Variants in ZNF75D observed in about 807,000 individuals in gnomAD.
ZNF75D encodes zinc finger protein 75D.
ZNF75D carries 33 observed loss-of-function variants against 33.3 expected under a neutral mutation model. That is an observed-to-expected ratio of 0.99 (90% CI 0.75 to 1.32). The LOEUF is 1.32. ZNF75D is among the 40% of genes most tolerant of loss of function. ZNF75D has a pLI of 0.00. For synonymous variants in ZNF75D, 113 were observed against 130.6 expected (o/e 0.87, Z 0.92); for missense variants, 338 against 367.5 (o/e 0.92, Z 0.66).
chrX:135,293,458 C>T (rs1306235995), intron 3 of ZNF75D, among the ~76,000 whole-genome samples: 1 of 111,585 alleles, frequency 9.0e-6, no homozygotes, highest in East Asian at 2.8e-4. Context: ...CTTGTCCTTG[C>T]CCATGCCAGA....
Position 135,287,489 on chromosome X carries a change from T to A in ZNF75D, c.1181A>T (p.Lys394Ile). 1 of 1,211,043 alleles carries A rather than the reference T, an allele frequency of 8.3e-7. No individual in the cohort carries two copies. ...AAACCTCCTGTCACATTGTTGACAT[T>A]TATAGGGTTTCTCTCCAGTGTGAAT... ...HRIHTGEKPYKCQQCDRRFRW... is the reference protein window; with the variant it reads ...HRIHTGEKPYICQQCDRRFRW... The change falls in exon 7 of 7, where the codon AAA becomes ATA. Residue 394 changes from lysine (K) to isoleucine (I), a missense_variant. This residue lies in a region of ZNF75D where 5 missense variants were observed against 19.7 expected (regional missense o/e 0.25). Coordinates refer to ENST00000370766, the MANE Select transcript of ZNF75D (RefSeq NM_007131.5).
At chrX:135,275,566 T>A (rs2083896677) in intron 1 of ZNF75D, among the ~76,000 whole-genome samples, 1 of 111,365 alleles carries the variant, frequency 9.0e-6, no homozygotes, top group East Asian at 2.8e-4. Flanking sequence ...CCTGTTTATT[T>A]GTTTTTGTTT....
At chrX:135,278,273 G>A (rs975743185) in intron 1 of ZNF75D, among the ~76,000 whole-genome samples, 13 of 111,392 alleles carry the variant, frequency 1.2e-4, no homozygotes, top group African/African-American at 3.3e-4. Context: ...GAGTTCACTC[G>A]TGATTTGGCT....
At chrX:135,336,913 A>T (rs1384727620) in intron 1 of ZNF75D, among the ~76,000 whole-genome samples, 4 of 110,850 alleles carry the variant, frequency 3.6e-5, no homozygotes, top group African/African-American at 1.3e-4. Flanking sequence ...GTTGTTAGGG[A>T]CCTCCACTAA....
In ZNF75D at chrX:135,261,474, G is replaced by A. The variant is rs781936401; in HGVS notation, n.828-5697C>T. On this transcript the variant is annotated intron_variant and non_coding_transcript_variant, in intron 1 of 3. Coordinates refer to the ZNF75D transcript ENST00000494295. ...CTAAGGACTTGCTTTATGAATCTGG[G>A]TGCTCCTGTATTGGGTTCATACATA... 5.4e-5 allele frequency among the ~76,000 whole-genome samples: 6 copies of A among 111,921 alleles called. No individual in the cohort carries two copies. In the South Asian group the frequency reaches 2.3e-3, roughly 42 times the overall value.
intron 1 of ZNF75D, among the ~76,000 whole-genome samples, chrX:135,312,294 C>T (rs1436610919): frequency 9.0e-6 from 1 of 111,494 alleles, no homozygotes; most frequent in Non-Finnish European, 1.9e-5. Flanking sequence ...TAATCACCTC[C>T]AATTCCATCC....
intron 1 of ZNF75D, among the ~76,000 whole-genome samples, chrX:135,318,641 AAATT>A (rs1298496835): frequency 1.8e-5 from 2 of 112,012 alleles, no homozygotes; most frequent in South Asian, 3.7e-4. Context: ...TTATAAACAA[AAATT>A]AATAAACATA....
At chrX:135,313,096 C>T (rs2084380005) in intron 1 of ZNF75D, among the ~76,000 whole-genome samples, 1 of 111,402 alleles carries the variant, frequency 9.0e-6, no homozygotes, top group South Asian at 3.7e-4. Flanking sequence ...GAAGATTTTT[C>T]CCTATGTTTT....
chrX:135,310,010 T>G (rs2084340428), intron 1 of ZNF75D, among the ~76,000 whole-genome samples: 1 of 112,104 alleles, frequency 8.9e-6, no homozygotes, highest in African/African-American at 3.2e-5. Flanking sequence ...GACCAAAGAC[T>G]CTAATCCCTA....
At chrX:135,261,031 T>G (rs1401119678) in intron 1 of ZNF75D, among the ~76,000 whole-genome samples, 1 of 112,509 alleles carries the variant, frequency 8.9e-6, no homozygotes, top group Non-Finnish European at 1.9e-5. Context: ...AACATCTTTA[T>G]TTCCGCCTTC....
At chrX:135,312,906 T>C (rs1376605402) in intron 1 of ZNF75D, among the ~76,000 whole-genome samples, 1 of 112,117 alleles carries the variant, frequency 8.9e-6, no homozygotes, top group Non-Finnish European at 1.9e-5. Flanking sequence ...ATTAATCCCT[T>C]ATCAGATGAA....
intron 1 of ZNF75D, among the ~76,000 whole-genome samples, chrX:135,256,848 C>G (rs2083803951): frequency 1.8e-5 from 2 of 112,143 alleles, no homozygotes; most frequent in African/African-American, 6.5e-5. Flanking sequence ...AGCTGAATCA[C>G]AGTAGAATAG....
At chrX:135,250,341 T>C (rs1381054554) in intron 3 of ZNF75D, among the ~76,000 whole-genome samples, 3 of 87,007 alleles carry the variant, frequency 3.4e-5, no homozygotes, top group Admixed American at 1.3e-4. Flanking sequence ...TGAGCGTTCC[T>C]TCCCTGCCAC....
At chrX:135,319,220 A>G (rs782628255) in intron 1 of ZNF75D, among the ~76,000 whole-genome samples, 4 of 112,621 alleles carry the variant, frequency 3.6e-5, no homozygotes, top group Non-Finnish European at 5.6e-5. Context: ...TAGAATACCT[A>G]CTATTGAGTT....
At chrX:135,290,951 A>T (rs1291096180) in intron 6 of ZNF75D, 58 bp downstream of exon 6, 2 of 1,119,654 alleles carry the variant, frequency 1.8e-6, no homozygotes, top group Non-Finnish European at 2.4e-6. Flanking sequence ...CATTTTCCAT[A>T]AACAGAGGAC....
intron 5 of ZNF75D, 69 bp downstream of exon 5, chrX:135,291,403 G>A (rs1209058077): frequency 1.8e-6 from 2 of 1,140,079 alleles, no homozygotes; most frequent in Non-Finnish European, 2.4e-6. Context: ...ATGAGTCCTA[G>A]GCAATAGGGA....
At chrX:135,325,788 C>A (rs1327623534) in intron 1 of ZNF75D, among the ~76,000 whole-genome samples, 1 of 112,695 alleles carries the variant, frequency 8.9e-6, no homozygotes, top group Non-Finnish European at 1.9e-5. Flanking sequence ...GGCGCCACCC[C>A]CTGCTCCACG....
intron 1 of ZNF75D, among the ~76,000 whole-genome samples, chrX:135,260,172 G>C (rs2083832893): frequency 8.9e-6 from 1 of 112,163 alleles, no homozygotes; most frequent in Non-Finnish European, 1.9e-5. Context: ...GAAGCTTCTT[G>C]ATGTGCTGCT....
At chrX:135,298,432 C>T (rs1463765508) in intron 1 of ZNF75D, 4 of 109,997 alleles carry the variant, frequency 3.6e-5, no homozygotes, top group African/African-American at 1.3e-4. Context: ...CATTTCATGC[C>T]GAAGGAGATG....
Sources: allele counts gnomAD v4.1 joint callset (sites outside exome capture counted in the v4.1 genomes callset), GRCh38; gene constraint gnomAD v4.1.1; regional missense constraint gnomAD v4.1.1; transcripts MANE v1.5; gene names NCBI Gene and HGNC (gene_info 2026-07-23, HGNC 2026-07-21).